Variants in STAU1 observed in about 807,000 individuals in gnomAD.
The protein encoded by STAU1 is staufen double-stranded RNA binding protein 1.
Under a neutral mutation model 62.9 loss-of-function variants are expected in STAU1, and 13 were observed. The observed-to-expected ratio is 0.21, with a 90% CI of 0.13 to 0.33. The LOEUF is 0.33. STAU1 is among the 10% of genes least tolerant of loss of function. STAU1 has a pLI of 1.00. For missense variants in STAU1, 571 were observed against 712.1 expected (o/e 0.80, Z 2.25); for synonymous variants, 269 against 265.1 (o/e 1.01, Z -0.14).
At chr20:49,118,216 G>T in intron 10 of STAU1, 117 bp downstream of exon 10, 1 of 1,369,656 alleles carries the variant, frequency 7.3e-7, no homozygotes, top group Non-Finnish European at 1.0e-6. Flanking sequence ...GGGAATCAGG[G>T]AATGATAAAG....
intron 5 of STAU1, among the ~76,000 whole-genome samples, chr20:49,146,030 G>A (rs1034375387): frequency 6.6e-6 from 1 of 152,236 alleles, no homozygotes; most frequent in Admixed American, 6.5e-5. Context: ...CATTTTGGGA[G>A]GCCGAGGCAG....
upstream of STAU1, among the ~76,000 whole-genome samples, chr20:49,193,319 G>A (rs1226503953): frequency 1.3e-5 from 2 of 151,764 alleles, no homozygotes; most frequent in East Asian, 3.9e-4. Flanking sequence ...GGAGGTTGCA[G>A]TGAGCCGAGA....
At position 49,135,844 on chromosome 20, in the gene STAU1, C is replaced by A. The variant is rs2092870506; in HGVS notation, c.598G>T (p.Val200Leu). The stretch of plus-strand genomic sequence containing the variant: ...TAAAATTAGCTTACCTCGAAATTCA[C>A]AGGCAAGTTCCGTTTAAGTGCAATC... ...FEIALKRNLP[V>L]NFEVARESGP... The change falls in exon 6 of 14, where the codon GTG (valine) becomes TTG (leucine). Residue 200 changes from valine to leucine, a missense_variant. Val to Leu is a conservative substitution (Grantham distance 32, BLOSUM62 1). Around this residue, in one of 3 missense-constraint regions of STAU1, gnomAD observed 414 missense variants for 499.6 expected, o/e 0.83. Transcript: ENST00000371856. 1.9e-6 allele frequency: 3 copies of A among 1,612,390 alleles called. No individual in the cohort carries two copies. The highest frequency in any genetic ancestry group is 2.2e-5 in the South Asian group (2 of 90,636).
In STAU1 at chr20:49,117,628, C is replaced by T. The variant is rs917793956; in HGVS notation, c.1509+149G>A. 7.9e-6 allele frequency: 6 copies of T among 759,740 alleles called. No homozygotes were observed. The highest frequency in any genetic ancestry group is 5.6e-5 in the South Asian group (3 of 53,376). The allele number at this position is 759,740 out of a possible 1,614,324, so 47.1% of individuals were successfully genotyped here. A position where few individuals can be genotyped will look rare whatever the true frequency, so the allele number is the denominator to read the frequency against. Reference sequence around the variant, plus strand: ...ACATATGCTTACAATACTTCTATACCTCCTACCCTTCCATCACTGCTCCCC... The same window carrying T: ...ACATATGCTTACAATACTTCTATACTTCCTACCCTTCCATCACTGCTCCCC... On this transcript the variant is annotated intron_variant, in intron 11 of 13. Coordinates refer to ENST00000371856, the MANE Select transcript of STAU1 (RefSeq NM_017453.4). The surrounding 1 kb of genome is among the most constrained non-coding windows in gnomAD (Gnocchi z 4.6).
At chr20:49,186,458 G>T (rs970187582) in intron 1 of STAU1, among the ~76,000 whole-genome samples, 5 of 152,068 alleles carry the variant, frequency 3.3e-5, no homozygotes, top group African/African-American at 1.2e-4. Context: ...TGTGTGTTAA[G>T]AGATGGGTAT....
At chr20:49,193,707 C>T in the STAU1 span, among the ~76,000 whole-genome samples, 3 of 151,412 alleles carry the variant, frequency 2.0e-5, no homozygotes, top group Non-Finnish European at 4.4e-5. Context: ...GTGGCTCACG[C>T]CCTGTAATCC....
At chr20:49,211,819 C>A in the STAU1 span, among the ~76,000 whole-genome samples, 20 of 152,328 alleles carry the variant, frequency 1.3e-4, no homozygotes, top group African/African-American at 4.8e-4. Flanking sequence ...GCCTCAGCCT[C>A]CTGAGTAGCT....
At chr20:49,207,491 T>G in the STAU1 span, among the ~76,000 whole-genome samples, 1 of 152,154 alleles carries the variant, frequency 6.6e-6, no homozygotes, top group Non-Finnish European at 1.5e-5. Context: ...TTAATTAACT[T>G]TAAATGAATT....
Position 49,117,089 on chromosome 20 carries a change from C to T in STAU1, c.1632+37G>A. 6.2e-7 allele frequency: 1 copy of T among 1,611,172 alleles called. No individual in the cohort carries two copies. The highest frequency in any genetic ancestry group is 1.3e-5 in the African/African-American group (1 of 74,934). On this transcript the variant is annotated intron_variant, in intron 12 of 13. Coordinates refer to ENST00000371856, the MANE Select transcript of STAU1 (RefSeq NM_017453.4). The surrounding 1 kb of genome is among the most constrained non-coding windows in gnomAD (Gnocchi z 4.6). ...AACCAAGGCAGGCTCCACATAAACACACAACACCCCAATCCCTCACCCAAG... is the reference window on the plus strand; with the variant it reads ...AACCAAGGCAGGCTCCACATAAACATACAACACCCCAATCCCTCACCCAAG...
chr20:49,140,305 CTAGA>C (rs1290196696), intron 5 of STAU1, among the ~76,000 whole-genome samples: 1 of 152,142 alleles, frequency 6.6e-6, no homozygotes, highest in Non-Finnish European at 1.5e-5. Context: ...AATTCCACTT[CTAGA>C]TATACACCCA....
chr20:49,161,358 A>AT (rs771886485), intron 3 of STAU1, among the ~76,000 whole-genome samples: 52 of 152,140 alleles, frequency 3.4e-4, no homozygotes, highest in Admixed American at 2.0e-3. Flanking sequence ...AAAGCAACAC[A>AT]TATTTTCTTT....
the STAU1 span, among the ~76,000 whole-genome samples, chr20:49,204,600 A>ATATATATATGTG: frequency 2.7e-5 from 1 of 37,540 alleles, no homozygotes; most frequent in African/African-American, 7.3e-5. Context: ...CATTATATAT[A>ATATATATATGTG]TATATATATA....
chr20:49,163,276 T>TG (rs2093476988), intron 3 of STAU1, among the ~76,000 whole-genome samples: 1 of 152,150 alleles, frequency 6.6e-6, no homozygotes, highest in Admixed American at 6.5e-5. Context: ...AGCAGAATAT[T>TG]GTTTTTATTT....
chr20:49,136,827 A>G (rs1369502344), intron 5 of STAU1, among the ~76,000 whole-genome samples: 1 of 152,064 alleles, frequency 6.6e-6, no homozygotes, highest in Non-Finnish European at 1.5e-5. Context: ...CCTCCTGAGT[A>G]GCTGGGATTG....
chr20:49,145,002 G>C (rs112390704), intron 5 of STAU1, among the ~76,000 whole-genome samples: 1 of 152,190 alleles, frequency 6.6e-6, no homozygotes, highest in Non-Finnish European at 1.5e-5. Flanking sequence ...TATGATAATT[G>C]TAAGACAGAA....
At chr20:49,198,432 A>G in the STAU1 span, among the ~76,000 whole-genome samples, 1 of 152,128 alleles carries the variant, frequency 6.6e-6, no homozygotes, top group Non-Finnish European at 1.5e-5. Flanking sequence ...ACTTGAACCC[A>G]GCAGGTGGAG....
the STAU1 span, among the ~76,000 whole-genome samples, chr20:49,204,592 TTATATATATA>T: frequency 0.023 from 1,045 of 45,554 alleles, 31 homozygotes; most frequent in Middle Eastern, 0.1. Context: ...GGATTTTACA[TTATATATATA>T]TATATATATA....
At chr20:49,126,018 G>A (rs1365100183) in intron 6 of STAU1, among the ~76,000 whole-genome samples, 2 of 151,966 alleles carry the variant, frequency 1.3e-5, no homozygotes, top group Non-Finnish European at 2.9e-5. Context: ...AACATGAACA[G>A]AAAGTTAGCT....
intron 1 of STAU1, among the ~76,000 whole-genome samples, chr20:49,176,130 G>A (rs1372090738): frequency 2.0e-5 from 3 of 152,144 alleles, no homozygotes; most frequent in African/African-American, 4.8e-5. Context: ...ATTACATATC[G>A]TCCGATCACA....
Sources: allele counts gnomAD v4.1 joint callset (sites outside exome capture counted in the v4.1 genomes callset), GRCh38; gene constraint gnomAD v4.1.1; regional missense constraint gnomAD v4.1.1; non-coding constraint Gnocchi (gnomAD v3.1); transcripts MANE v1.5; gene names NCBI Gene and HGNC (gene_info 2026-07-23, HGNC 2026-07-21).